Variants in HSD17B6 observed in about 807,000 individuals in gnomAD.
The protein encoded by HSD17B6 is hydroxysteroid 17-beta dehydrogenase 6.
A neutral mutation model predicts 26.4 loss-of-function variants in HSD17B6; 16 were observed. The observed-to-expected ratio is 0.61, with a 90% confidence interval of 0.41 to 0.92. The LOEUF (loss-of-function observed/expected upper bound fraction) is 0.92. HSD17B6 is among the 40% of genes least tolerant of loss of function. The probability of loss-of-function intolerance (pLI) is 0.00; values close to 1 mark genes in which losing one functional copy is unlikely to be tolerated. For synonymous variants in HSD17B6, 139 were observed against 153.0 expected (o/e 0.91, Z 0.68); for missense variants, 357 against 386.1 (o/e 0.92, Z 0.63).
At chr12:56,765,929 C>T (rs1331484491) in intron 1 of HSD17B6, among the ~76,000 whole-genome samples, 1 of 152,088 alleles carries the variant, frequency 6.6e-6, no homozygotes, top group Non-Finnish European at 1.5e-5. Context: ...CATCACATCC[C>T]CTGTGACCTG....
At chr12:56,783,369 G>C (rs1389471924) in intron 3 of HSD17B6, among the ~76,000 whole-genome samples, 9 of 110,158 alleles carry the variant, frequency 8.2e-5, no homozygotes, top group South Asian at 5.5e-4. Context: ...AGGGGGCTGA[G>C]CCCCCCACCT....
intron 4 of HSD17B6, 24 bp from the exon 5 acceptor site, chr12:56,787,098 GACC>G (rs1297988134): frequency 1.3e-6 from 2 of 1,518,188 alleles, no homozygotes; most frequent in Non-Finnish European, 1.8e-6. Context: ...TAAGATTGTT[GACC>G]ACCATTTCTT....
chr12:56,787,421 C>G lies in HSD17B6; in HGVS notation c.*79C>G, dbSNP rs1163957568. The stretch of plus-strand genomic sequence containing the variant: ...TGTCTCAGTAATCCTGATTTAGAAC[C>G]CAGGCTTTTTGTAACAATGTGTTTT... On this transcript the variant is annotated 3_prime_UTR_variant, in exon 5 of 5. Transcript: ENST00000322165. 1 of 909,678 alleles carries G rather than the reference C, an allele frequency of 1.1e-6. No individual in the cohort carries two copies. The highest frequency in any genetic ancestry group is 1.7e-5 in the African/African-American group (1 of 59,830). The allele number at this position is 909,678 out of a possible 1,614,324, so 56.4% of individuals were successfully genotyped here.
At chr12:56,786,558 T>A (rs1271397225) in intron 4 of HSD17B6, among the ~76,000 whole-genome samples, 4 of 152,152 alleles carry the variant, frequency 2.6e-5, no homozygotes, top group Non-Finnish European at 5.9e-5. Flanking sequence ...CCATCAGAAT[T>A]GAGTTTTGAG....
intron 4 of HSD17B6, among the ~76,000 whole-genome samples, chr12:56,785,367 A>C (rs1954854172): frequency 6.6e-6 from 1 of 152,228 alleles, no homozygotes; most frequent in East Asian, 1.9e-4. Flanking sequence ...ACTATAATTC[A>C]AGATGAGTTG....
chr12:56,781,210 T>A (rs1954708653), intron 2 of HSD17B6, among the ~76,000 whole-genome samples: 1 of 152,158 alleles, frequency 6.6e-6, no homozygotes, highest in Non-Finnish European at 1.5e-5. Context: ...TTTCCCTCCC[T>A]TATTTCTGGA....
At chr12:56,780,779 G>C (rs983515554) in intron 2 of HSD17B6, among the ~76,000 whole-genome samples, 1 of 150,620 alleles carries the variant, frequency 6.6e-6, no homozygotes, top group Non-Finnish European at 1.5e-5. Flanking sequence ...AACCCGGGGG[G>C]TGGAGCTTGC....
chr12:56,767,751 G>T (rs890478187), intron 1 of HSD17B6, among the ~76,000 whole-genome samples: 42 of 141,256 alleles, frequency 3.0e-4, no homozygotes, highest in Non-Finnish European at 2.3e-4. Flanking sequence ...TTATATATAC[G>T]TATATATATG....
At chr12:56,781,951 G>T (rs954705904) in intron 2 of HSD17B6, 23 bp from the exon 3 acceptor site, 2 of 1,605,986 alleles carry the variant, frequency 1.2e-6, no homozygotes, top group African/African-American at 2.7e-5. Flanking sequence ...CCAAACTCCT[G>T]ATATGACTTT....
At chr12:56,769,322 G>A (rs1275376328) in intron 1 of HSD17B6, among the ~76,000 whole-genome samples, 7 of 152,010 alleles carry the variant, frequency 4.6e-5, no homozygotes, top group African/African-American at 9.7e-5. Flanking sequence ...GGCTGGTCTC[G>A]AACTCCTGAC....
intron 1 of HSD17B6, among the ~76,000 whole-genome samples, chr12:56,773,030 AT>A (rs1480572021): frequency 6.6e-6 from 1 of 152,194 alleles, no homozygotes; most frequent in Non-Finnish European, 1.5e-5. Context: ...GCCAACATGT[AT>A]AGATTACTAA....
chr12:56,787,642 T>C lies in HSD17B6; in HGVS notation c.*300T>C. 3.2e-6 allele frequency: 1 copy of C among 311,372 alleles called. No homozygotes were observed. The highest frequency in any genetic ancestry group is 6.0e-6 in the Non-Finnish European group (1 of 167,204). 19.3% of individuals were successfully genotyped at this position (311,372 alleles called of 1,614,324 possible). On this transcript the variant is annotated 3_prime_UTR_variant, in exon 5 of 5. Transcript: ENST00000322165. ...GAAAACAATTTAACCTATTTTGAAG[T>C]CATTTCTTTATGAATATGAATAATT...
chr12:56,780,840 CAAAAAAAAAA>C (rs59227954), intron 2 of HSD17B6, among the ~76,000 whole-genome samples: 2 of 64,124 alleles, frequency 3.1e-5, no homozygotes. Context: ...GACTCCGTCT[CAAAAAAAAAA>C]AAAAAAAAAA....
intron 2 of HSD17B6, among the ~76,000 whole-genome samples, chr12:56,780,840 CA>C (rs59227954): frequency 0.08 from 5,127 of 64,070 alleles, 69 homozygotes; most frequent in African/African-American, 0.18. Flanking sequence ...GACTCCGTCT[CA>C]AAAAAAAAAA....
In HSD17B6 at chr12:56,784,927, T is replaced by C; in HGVS notation, c.647T>C (p.Met216Thr). 2 of 1,614,074 alleles carry C rather than the reference T, an allele frequency of 1.2e-6. No homozygotes were observed. Among genetic ancestry groups the C allele is most frequent in the African/African-American group, 1.3e-5 (1 of 74,994 alleles). The change falls in exon 4 of 5, where the codon ATG (methionine) becomes ACG (threonine). Residue 216 changes from methionine to threonine, a missense_variant. By Grantham distance (81) the Met-to-Thr change is moderately conservative. Coordinates refer to ENST00000322165, the MANE Select transcript of HSD17B6 (RefSeq NM_003725.4). ...TACTTCAGAACGGGAATGACAAACATGACACAGTCCTTAGAGCGAATGAAG... is the reference window on the plus strand; with the variant it reads ...TACTTCAGAACGGGAATGACAAACACGACACAGTCCTTAGAGCGAATGAAG... ...PGYFRTGMTN[M>T]TQSLERMKQS...
chr12:56,781,541 C>T (rs546973021), intron 2 of HSD17B6, among the ~76,000 whole-genome samples: 8 of 152,290 alleles, frequency 5.3e-5, no homozygotes, highest in South Asian at 4.1e-4. Flanking sequence ...TGGTGGCTCA[C>T]GCCTGTAATC....
In HSD17B6 at chr12:56,781,990, G is replaced by A. The variant is rs750497603; in HGVS notation, c.330G>A (p.Val110=). 5.6e-6 allele frequency: 9 copies of A among 1,613,892 alleles called. No individual in the cohort carries two copies. In the South Asian group the frequency reaches 9.9e-5, roughly 18 times the overall value. The change falls in exon 3 of 5, where the codon GTG becomes GTA. Residue 110 remains valine, a synonymous_variant. Transcript: ENST00000322165. ...TTGTTTTAGGACTCTGGGGACTGGTGAACAATGCAGGCATTCTTACACCAA... is the reference window on the plus strand; with the variant it reads ...TTGTTTTAGGACTCTGGGGACTGGTAAACAATGCAGGCATTCTTACACCAA... ...HVGDRGLWGL[V]NNAGILTPIT...
At chr12:56,777,782 G>T (rs1437455826) in intron 2 of HSD17B6, among the ~76,000 whole-genome samples, 6 of 152,082 alleles carry the variant, frequency 3.9e-5, no homozygotes, top group Admixed American at 2.0e-4. Context: ...AGCACTTTGG[G>T]AGGCCGGGGT....
At chr12:56,773,756 C>A in intron 1 of HSD17B6, 78 bp from the exon 2 acceptor site, 1 of 1,340,650 alleles carries the variant, frequency 7.5e-7, no homozygotes, top group South Asian at 1.6e-5. Flanking sequence ...AGTGCAATGC[C>A]TGGCACATGG....
Sources: allele counts gnomAD v4.1 joint callset (sites outside exome capture counted in the v4.1 genomes callset), GRCh38; gene constraint gnomAD v4.1.1; transcripts MANE v1.5; gene names NCBI Gene and HGNC (gene_info 2026-07-23, HGNC 2026-07-21).